The following KLF3 variants were observed in gnomAD, a reference collection of about 807,000 sequenced individuals.
KLF3 encodes Krueppel-like factor 3.
Under a neutral mutation model 32.7 loss-of-function variants are expected in KLF3, and 6 were observed. The observed-to-expected ratio is 0.18, with a 90% CI of 0.10 to 0.36. The LOEUF is 0.36. Ranked by LOEUF, KLF3 falls within the 10% of genes least tolerant of loss-of-function variation. The probability of loss-of-function intolerance (pLI) is 1.00; values close to 1 mark genes in which losing one functional copy is unlikely to be tolerated. For missense variants in KLF3, 338 were observed against 449.7 expected, an observed-to-expected ratio of 0.75 and a Z score of 2.25; for synonymous variants, 145 against 172.8, an observed-to-expected ratio of 0.84 and a Z score of 1.26.
intron 1 of KLF3, among the ~76,000 whole-genome samples, chr4:38,676,371 G>T (rs943650181): frequency 1.3e-5 from 2 of 152,154 alleles, no homozygotes; most frequent in East Asian, 1.9e-4. Context: ...AACCCAGGAG[G>T]CAGAGGTTGC....
chr4:38,670,440 AT>A (rs1448439341), intron 1 of KLF3, among the ~76,000 whole-genome samples: 12 of 152,170 alleles, frequency 7.9e-5, no homozygotes, highest in Middle Eastern at 3.2e-3. Context: ...AGGTCAGCGG[AT>A]TCTGCCCTGG....
intron 2 of KLF3, among the ~76,000 whole-genome samples, chr4:38,684,961 A>G (rs1344110290): frequency 1.3e-5 from 2 of 152,180 alleles, no homozygotes; most frequent in African/African-American, 4.8e-5. Flanking sequence ...TCCAGGACAC[A>G]GGGTCTCTTG....
rs1048332511 is a variant in KLF3, at chr4:38,690,175, G to C, written c.695+296G>C. 1.4e-4 allele frequency: 49 copies of C among 345,022 alleles called. No homozygotes were observed. In the East Asian group the frequency reaches 2.9e-3, roughly 20 times the overall value. The allele number at this position is 345,022 out of a possible 1,614,324, so 21.4% of individuals were successfully genotyped here. A position where few individuals can be genotyped will look rare whatever the true frequency, so the allele number is the denominator to read the frequency against. On this transcript the variant is annotated intron_variant, in intron 4 of 5. Transcript: ENST00000261438. ...TTTTGTTTTTTTTCCATTCTTCCAG[G>C]CTATGTATACTTAGTTTTTCCATTA...
Position 38,697,219 on chromosome 4 carries a change from T to A in KLF3, c.994T>A (p.Ser332Thr). The change falls in exon 6 of 6, where the codon TCT becomes ACT. Residue 332 changes from serine to threonine, a missense_variant. By Grantham distance (58) the Ser-to-Thr change is moderately conservative (BLOSUM62 1). Coordinates refer to ENST00000261438, the MANE Select transcript of KLF3 (RefSeq NM_016531.6). ...GGACTGTGACCGCAGCTTCTCCCGTTCTGACCATCTTGCCCTCCATAGGAA... is the reference window on the plus strand; with the variant it reads ...GGACTGTGACCGCAGCTTCTCCCGTACTGACCATCTTGCCCTCCATAGGAA... ...CPDCDRSFSR[S>T]DHLALHRKRH... 6.2e-7 allele frequency: 1 copy of A among 1,614,036 alleles called. No individual in the cohort carries two copies. Among genetic ancestry groups the A allele is most frequent in the Non-Finnish European group, 8.5e-7 (1 of 1,179,968 alleles).
intron 4 of KLF3, among the ~76,000 whole-genome samples, chr4:38,692,211 A>G (rs532379649): frequency 1.9e-4 from 29 of 152,216 alleles, no homozygotes; most frequent in Non-Finnish European, 4.0e-4. Flanking sequence ...TCTTATATGT[A>G]TTAGCTCTGT....
At chr4:38,669,385 T>C (rs961163174) in intron 1 of KLF3, among the ~76,000 whole-genome samples, 3 of 152,164 alleles carry the variant, frequency 2.0e-5, no homozygotes, top group Non-Finnish European at 4.4e-5. Context: ...TTAGACCATG[T>C]TTCTCATCTT....
rs1412788284 is a variant in KLF3, at chr4:38,701,412, A to G, written c.*4149A>G. 6.6e-6 allele frequency among the ~76,000 whole-genome samples: 1 copy of G among 152,232 alleles called. No homozygotes were observed. The highest frequency in any genetic ancestry group is 1.5e-5 in the Non-Finnish European group (1 of 68,046). On this transcript the variant is annotated 3_prime_UTR_variant, in exon 6 of 6. Transcript: ENST00000261438. ...TTGTATTAAAAGACGCATGTGTATA[A>G]TACTTTAAACTTTTAGAGTAAAATA...
chr4:38,665,627 A>G (rs1424526542), intron 1 of KLF3, among the ~76,000 whole-genome samples: 1 of 152,244 alleles, frequency 6.6e-6, no homozygotes, highest in Non-Finnish European at 1.5e-5. Context: ...GTTTCCATTA[A>G]TATCACCCAA....
At position 38,664,278 on chromosome 4, in the gene KLF3, G is replaced by T. The variant is rs1241584186; in HGVS notation, c.-223G>T. The T allele has an allele frequency of 6.6e-6, 1 of 152,038 alleles. No individual in the cohort carries two copies. 9.4% of individuals were successfully genotyped at this position (152,038 alleles called of 1,614,324 possible). On this transcript the variant is annotated 5_prime_UTR_variant, in exon 1 of 6. Coordinates refer to ENST00000261438, the MANE Select transcript of KLF3 (RefSeq NM_016531.6). ...AGGGGAGCCAGGAGCGGAGCCGCGCGGAGCCGGGGCCCGAGCCGGAGCGCA... is the reference window on the plus strand; with the variant it reads ...AGGGGAGCCAGGAGCGGAGCCGCGCTGAGCCGGGGCCCGAGCCGGAGCGCA...
intron 1 of KLF3, among the ~76,000 whole-genome samples, chr4:38,677,501 G>A (rs888305313): frequency 5.9e-5 from 9 of 152,188 alleles, no homozygotes; most frequent in South Asian, 2.1e-4. Flanking sequence ...GAATTTGAAC[G>A]AAAAGGAACT....
intron 5 of KLF3, 41 bp downstream of exon 5, chr4:38,694,947 A>G (rs750201017): frequency 2.6e-6 from 4 of 1,562,358 alleles, no homozygotes; most frequent in Non-Finnish European, 3.4e-6. Flanking sequence ...TCTTCTTAAG[A>G]AGTATTAGAA....
At position 38,688,400 on chromosome 4, in the gene KLF3, G is replaced by A. The variant is rs1304706290; in HGVS notation, c.58-185G>A. On this transcript the variant is annotated intron_variant, in intron 2 of 5. Transcript: ENST00000261438. The surrounding 1 kb of genome is among the most constrained non-coding windows in gnomAD (Gnocchi z 4.9). ...AATATTTTTGAGACCGCCTCTCATA[G>A]CATTTTTAATGTTGAGACCACCTCT... is the stretch of plus-strand genomic sequence containing the variant. 6.6e-6 allele frequency among the ~76,000 whole-genome samples: 1 copy of A among 152,202 alleles called. No homozygotes were observed. Among genetic ancestry groups the A allele is most frequent in the Non-Finnish European group, 1.5e-5 (1 of 68,030 alleles).
chr4:38,672,990 G>A lies in KLF3; in HGVS notation c.-39-7597G>A, dbSNP rs150854993. Among the ~76,000 whole-genome samples the A allele has an allele frequency of 8.7e-3, 1,320 of 152,306 alleles. 25 individuals are homozygous for A. Among genetic ancestry groups the A allele is most frequent in the Middle Eastern group, 0.027 (8 of 294 alleles). On this transcript the variant is annotated intron_variant, in intron 1 of 5. Transcript: ENST00000261438. ...GCCTTAGAGGCAGGAACAAGGAGGG[G>A]TAGGGTTGGTTTGGGCCACGTTGAT...
intron 1 of KLF3, among the ~76,000 whole-genome samples, chr4:38,673,065 GGA>G (rs1722247357): frequency 6.6e-6 from 1 of 152,198 alleles, no homozygotes; most frequent in Non-Finnish European, 1.5e-5. Flanking sequence ...ATTTTTAAAG[GGA>G]GAGGGTAGGC....
chr4:38,692,205 A>G (rs1171460831), intron 4 of KLF3, among the ~76,000 whole-genome samples: 1 of 152,242 alleles, frequency 6.6e-6, no homozygotes, highest in Non-Finnish European at 1.5e-5. Flanking sequence ...AAGATATCTT[A>G]TATGTATTAG....
At chr4:38,680,867 A>G (rs1232120731) in intron 2 of KLF3, 185 bp downstream of exon 2, 3 of 460,442 alleles carry the variant, frequency 6.5e-6, no homozygotes, top group Non-Finnish European at 1.2e-5. Context: ...CCTGACCAAC[A>G]TGAAGAAACC....
chr4:38,669,379 A>C (rs1722133225), intron 1 of KLF3, among the ~76,000 whole-genome samples: 1 of 152,052 alleles, frequency 6.6e-6, no homozygotes, highest in Non-Finnish European at 1.5e-5. Flanking sequence ...CCTTTCTTAG[A>C]CCATGTTTCT....
chr4:38,697,231 G>T lies in KLF3; in HGVS notation c.1006G>T (p.Ala336Ser). 6.2e-7 allele frequency: 1 copy of T among 1,613,500 alleles called. No individual in the cohort carries two copies. The highest frequency in any genetic ancestry group is 8.5e-7 in the Non-Finnish European group (1 of 1,179,712). ...DRSFSRSDHLALHRKRHMLV is the reference protein window; with the variant it reads ...DRSFSRSDHLSLHRKRHMLV ...CAGCTTCTCCCGTTCTGACCATCTT[G>T]CCCTCCATAGGAAACGCCACATGCT... The change falls in exon 6 of 6, where the codon GCC becomes TCC. Residue 336 changes from alanine (A) to serine (S), a missense_variant. Ala to Ser is a moderately conservative substitution (Grantham distance 99). Coordinates refer to ENST00000261438, the MANE Select transcript of KLF3 (RefSeq NM_016531.6).
At chr4:38,680,562 A>T in intron 1 of KLF3, 25 bp from the exon 2 acceptor site, 1 of 1,206,024 alleles carries the variant, frequency 8.3e-7, no homozygotes, top group South Asian at 1.2e-5. Flanking sequence ...TGAGACTTAG[A>T]TGGATACCTT....
Sources: gnomAD v4.1 joint callset for allele counts (sites outside exome capture counted in the v4.1 genomes callset) on GRCh38, gnomAD v4.1.1 for gene constraint, Gnocchi (gnomAD v3.1) non-coding constraint, MANE v1.5 for transcripts, NCBI Gene and HGNC (gene_info 2026-07-23, HGNC 2026-07-21) for gene names.